Variants in LRRC56 observed in about 807,000 individuals in gnomAD.
The protein encoded by LRRC56 is leucine rich repeat containing 56, also known as leucine-rich repeat-containing protein 56.
Under a neutral mutation model 47.8 loss-of-function variants are expected in LRRC56, and 41 were observed. The observed-to-expected ratio is 0.86, with a 90% CI of 0.67 to 1.11. LRRC56 has a LOEUF of 1.11. LRRC56 is among the 50% of genes most tolerant of loss of function. The pLI is 0.00. For missense variants in LRRC56, 759 were observed against 704.2 expected (o/e 1.08, Z -0.88); for synonymous variants, 387 against 311.2 (o/e 1.24, Z -2.56).
the LRRC56 span, chr11:529,720 A>T: frequency 6.6e-6 from 1 of 152,318 alleles, no homozygotes; most frequent in African/African-American, 2.4e-5. Context: ...GAAGCTGACC[A>T]CATCTGCTTT....
At chr11:528,556 C>T in the LRRC56 span, 2 of 152,186 alleles carry the variant, frequency 1.3e-5, no homozygotes, top group African/African-American at 4.8e-5. Flanking sequence ...AGACCTGAGT[C>T]CACCGAGGAA....
chr11:517,632 A>G, the LRRC56 span, among the ~76,000 whole-genome samples: 10 of 151,568 alleles, frequency 6.6e-5, 1 homozygote, highest in South Asian at 1.7e-3. Context: ...TGCCTCTGCC[A>G]GGCCGCCCCG....
At chr11:520,396 C>G in the LRRC56 span, among the ~76,000 whole-genome samples, 2 of 152,100 alleles carry the variant, frequency 1.3e-5, no homozygotes, top group South Asian at 4.1e-4. Context: ...TCTCGGCTCT[C>G]TGCAACCTCC....
the LRRC56 span, chr11:528,390 G>C: frequency 2.0e-5 from 3 of 152,200 alleles, no homozygotes; most frequent in Non-Finnish European, 2.9e-5. Context: ...CAGCCCAGCA[G>C]GGCCTGTCAA....
chr11:552,136 C>T lies in LRRC56; in HGVS notation c.1085C>T (p.Pro362Leu), dbSNP rs141801417. Reference sequence around the variant, plus strand: ...CTGCCCCAACACAGGCCAGGAGATCCGGCCGCCAGCACTTCCACCCCAGAG... The same window carrying T: ...CTGCCCCAACACAGGCCAGGAGATCTGGCCGCCAGCACTTCCACCCCAGAG... ...EQLPQHRPGD[P>L]AASTSTPEPD... The change falls in exon 12 of 14, where the codon CCG becomes CTG. Residue 362 changes from proline (P) to leucine (L), a missense_variant. Transcript: ENST00000270115. 2.2e-4 allele frequency: 353 copies of T among 1,612,598 alleles called. No homozygotes were observed. The African/African-American group carries it at 4.3e-3, about 20-fold the overall frequency.
chr11:553,739 C>T (rs1204823943), intron 13 of LRRC56, among the ~76,000 whole-genome samples: 4 of 152,226 alleles, frequency 2.6e-5, no homozygotes, highest in Admixed American at 1.3e-4. Context: ...CAGAACCAGG[C>T]TTCGTGGCCT....
At chr11:522,186 T>G in the LRRC56 span, among the ~76,000 whole-genome samples, 1 of 152,116 alleles carries the variant, frequency 6.6e-6, no homozygotes, top group Non-Finnish European at 1.5e-5. Flanking sequence ...GTTCAAGTGA[T>G]TCTCACTTTA....
chr11:540,843 C>T lies in LRRC56; in HGVS notation c.159C>T (p.Tyr53=). Residue 53 remains tyrosine, a synonymous_variant, in exon 4 of 14, where the codon TAC becomes TAT. Coordinates refer to ENST00000270115, the MANE Select transcript of LRRC56 (RefSeq NM_198075.4). ...DRLGEQLVEE[Y]LSPARLQALA... ...TTGGAGAGCAGCTGGTGGAAGAGTA[C>T]CTGTCCCCTGCCCGGCTGGTGAGTG... 1 of 1,570,476 alleles carries T rather than the reference C, an allele frequency of 6.4e-7. No individual in the cohort carries two copies. The highest frequency in any genetic ancestry group is 8.6e-7 in the Non-Finnish European group (1 of 1,158,062).
At chr11:550,780 G>A (rs1465706868) in intron 8 of LRRC56, among the ~76,000 whole-genome samples, 2 of 152,140 alleles carry the variant, frequency 1.3e-5, no homozygotes, top group African/African-American at 2.4e-5. Context: ...ATTAGCTGCT[G>A]CTTGGTGCTG....
At chr11:531,576 G>C in the LRRC56 span, among the ~76,000 whole-genome samples, 1 of 152,212 alleles carries the variant, frequency 6.6e-6, no homozygotes, top group East Asian at 1.9e-4. Context: ...CCATGAGGCA[G>C]GCGTGGGGCA....
At chr11:517,720 AAAAAG>A in the LRRC56 span, among the ~76,000 whole-genome samples, 2 of 152,094 alleles carry the variant, frequency 1.3e-5, no homozygotes, top group Admixed American at 6.6e-5. Context: ...CAGTTTTGTC[AAAAAG>A]AAAAGGGGGA....
the LRRC56 span, among the ~76,000 whole-genome samples, chr11:531,369 GAGGGGCACC>G: frequency 1.3e-5 from 2 of 152,162 alleles, no homozygotes; most frequent in African/African-American, 4.8e-5. Context: ...CCTGGGAGGG[GAGGGGCACC>G]AGGGGCGCTG....
intron 5 of LRRC56, among the ~76,000 whole-genome samples, chr11:543,207 T>TG (rs1851892362): frequency 1.1e-5 from 1 of 95,136 alleles, no homozygotes; most frequent in African/African-American, 5.7e-5. Context: ...GCCTGTTTTT[T>TG]GTTTTTTTCA....
the LRRC56 span, among the ~76,000 whole-genome samples, chr11:510,557 G>T: frequency 6.6e-6 from 1 of 151,722 alleles, no homozygotes; most frequent in South Asian, 2.1e-4. Flanking sequence ...GACCAACATG[G>T]AGAAACCCCG....
At chr11:508,483 C>T in the LRRC56 span, among the ~76,000 whole-genome samples, 1 of 152,224 alleles carries the variant, frequency 6.6e-6, no homozygotes, top group Non-Finnish European at 1.5e-5. Flanking sequence ...GAAGGTGGTT[C>T]TGGCCGGGCG....
At chr11:535,463 G>C (rs8176336), upstream of LRRC56, 3 of 146,992 alleles carry the variant, frequency 2.0e-5, no homozygotes, top group Non-Finnish European at 4.6e-5. Context: ...GGCCGAGGCC[G>C]GGGCGGGGCG....
At chr11:507,917 G>A in the LRRC56 span, among the ~76,000 whole-genome samples, 2 of 152,252 alleles carry the variant, frequency 1.3e-5, no homozygotes, top group African/African-American at 4.8e-5. Flanking sequence ...CTGCTCCTGC[G>A]TCCACTCTGC....
chr11:526,033 G>T, the LRRC56 span, among the ~76,000 whole-genome samples: 1 of 151,642 alleles, frequency 6.6e-6, no homozygotes, highest in African/African-American at 2.4e-5. Context: ...TGGTGAAACC[G>T]TGTCTCTACT....
the LRRC56 span, among the ~76,000 whole-genome samples, chr11:518,882 GC>G: frequency 2.0e-5 from 3 of 146,648 alleles, no homozygotes; most frequent in Non-Finnish European, 4.5e-5. Flanking sequence ...CCCTCTGCCG[GC>G]CGCTCTGAGG....
Sources: allele counts gnomAD v4.1 joint callset (sites outside exome capture counted in the v4.1 genomes callset), GRCh38; gene constraint gnomAD v4.1.1; transcripts MANE v1.5; gene names NCBI Gene and HGNC (gene_info 2026-07-23, HGNC 2026-07-21).